Variants in TAFA2 observed in about 807,000 individuals in gnomAD.
TAFA2 encodes the protein TAFA chemokine like family member 2, also known as chemokine-like protein TAFA-2.
A neutral mutation model predicts 18.8 loss-of-function variants in TAFA2; 7 were observed. The observed-to-expected ratio is 0.37, with a 90% confidence interval of 0.21 to 0.70. The LOEUF is 0.70. TAFA2 is among the 30% of genes least tolerant of loss of function. The probability of loss-of-function intolerance (pLI) is 0.53; values close to 1 mark genes in which losing one functional copy is unlikely to be tolerated. For synonymous variants in TAFA2, 60 were observed against 54.2 expected (o/e 1.11, Z -0.47); for missense variants, 122 against 158.1 (o/e 0.77, Z 1.23).
chr12:62,066,109 T>C (rs1030770989), intron 1 of TAFA2, among the ~76,000 whole-genome samples: 6 of 146,592 alleles, frequency 4.1e-5, no homozygotes, highest in Non-Finnish European at 7.5e-5. Flanking sequence ...GATAACACTG[T>C]TTTTTGCTGA....
chr12:61,843,422 G>T (rs1050410468), intron 2 of TAFA2, among the ~76,000 whole-genome samples: 1 of 152,028 alleles, frequency 6.6e-6, no homozygotes. Flanking sequence ...GAAAAATTCG[G>T]AACACTATTT....
intron 2 of TAFA2, among the ~76,000 whole-genome samples, chr12:61,756,050 C>T (rs888559543): frequency 1.3e-5 from 2 of 151,716 alleles, no homozygotes; most frequent in African/African-American, 2.4e-5. Flanking sequence ...ATAAGGAGAC[C>T]CATTGCAAAT....
intron 2 of TAFA2, among the ~76,000 whole-genome samples, chr12:61,758,650 T>G (rs1592369781): frequency 6.6e-6 from 1 of 151,348 alleles, no homozygotes; most frequent in South Asian, 2.1e-4. Context: ...TAAGAAAGAG[T>G]GAATTTACCA....
At chr12:62,044,954 C>T (rs1881871116) in intron 1 of TAFA2, among the ~76,000 whole-genome samples, 1 of 152,108 alleles carries the variant, frequency 6.6e-6, no homozygotes, top group South Asian at 2.1e-4. Context: ...GTTCCTTGGG[C>T]CCTTGGAAAA....
intron 4 of TAFA2, among the ~76,000 whole-genome samples, chr12:61,711,217 G>A (rs1380065010): frequency 2.6e-5 from 4 of 151,638 alleles, no homozygotes; most frequent in African/African-American, 9.7e-5. Flanking sequence ...CGTATGCATA[G>A]ATACAGAGGA....
At chr12:61,852,087 A>C (rs1873694352) in intron 2 of TAFA2, among the ~76,000 whole-genome samples, 1 of 151,328 alleles carries the variant, frequency 6.6e-6, no homozygotes, top group Admixed American at 6.6e-5. Flanking sequence ...AGTGTCTGTA[A>C]TCCCAGCTAC....
At chr12:62,127,745 C>G (rs2136888977) in intron 1 of TAFA2, among the ~76,000 whole-genome samples, 1 of 152,004 alleles carries the variant, frequency 6.6e-6, no homozygotes, top group Middle Eastern at 3.4e-3. Context: ...GGTATGTTAC[C>G]TAGAGCAAGT....
chr12:62,107,294 T>C (rs1312037372), intron 1 of TAFA2, among the ~76,000 whole-genome samples: 2 of 149,408 alleles, frequency 1.3e-5, no homozygotes, highest in Non-Finnish European at 3.0e-5. Flanking sequence ...GGAAGAACTA[T>C]ATACATCATT....
At chr12:61,776,970 A>G (rs974002626) in intron 2 of TAFA2, among the ~76,000 whole-genome samples, 2 of 151,890 alleles carry the variant, frequency 1.3e-5, no homozygotes, top group African/African-American at 2.4e-5. Context: ...AACGTAAGAC[A>G]TAGTGTGAAA....
chr12:62,115,228 A>G (rs1031236572), intron 1 of TAFA2, among the ~76,000 whole-genome samples: 2 of 152,096 alleles, frequency 1.3e-5, no homozygotes, highest in Non-Finnish European at 2.9e-5. Context: ...AAACACCAAA[A>G]TTTGCACCCT....
chr12:62,116,815 C>A (rs1201021875), intron 1 of TAFA2, among the ~76,000 whole-genome samples: 2 of 151,988 alleles, frequency 1.3e-5, no homozygotes, highest in Non-Finnish European at 2.9e-5. Context: ...ATGCTGAAGC[C>A]CCAGCCCCTA....
intron 1 of TAFA2, among the ~76,000 whole-genome samples, chr12:61,923,897 C>A (rs1231179608): frequency 6.6e-6 from 1 of 151,632 alleles, no homozygotes; most frequent in South Asian, 2.1e-4. Context: ...CATAGATGAC[C>A]TGATGGAGCT....
intron 2 of TAFA2, among the ~76,000 whole-genome samples, chr12:61,804,466 G>A (rs1451362433): frequency 6.6e-6 from 1 of 152,024 alleles, no homozygotes; most frequent in Non-Finnish European, 1.5e-5. Context: ...CAAAATAAGA[G>A]TACTTCAACT....
intron 1 of TAFA2, among the ~76,000 whole-genome samples, chr12:62,065,259 C>G (rs1036734508): frequency 6.6e-6 from 1 of 152,016 alleles, no homozygotes; most frequent in Non-Finnish European, 1.5e-5. Context: ...GGTGATACAC[C>G]TCACTTCCAG....
Position 62,029,654 on chromosome 12 carries a change from G to C in TAFA2, c.-2+161605C>G, listed in dbSNP as rs1292878844. ...GGATTACTTGGATTATAAAGGCAAA[G>C]GAAAGTGCAATCACCCTGTACTTCT... On this transcript the variant is annotated intron_variant, in intron 1 of 4. Coordinates refer to ENST00000416284, the MANE Select transcript of TAFA2 (RefSeq NM_178539.5). Among the ~76,000 whole-genome samples, 3 of 125,368 alleles carry C rather than the reference G, an allele frequency of 2.4e-5. No homozygotes were observed. The East Asian group carries it at 7.1e-4, about 30-fold the overall frequency. 82.2% of individuals were successfully genotyped at this position (125,368 alleles called of 152,430 possible).
intron 1 of TAFA2, among the ~76,000 whole-genome samples, chr12:62,075,116 C>G (rs1448816065): frequency 1.3e-5 from 2 of 152,148 alleles, no homozygotes; most frequent in Non-Finnish European, 2.9e-5. Context: ...CAACATTCTT[C>G]TTCATTGTTA....
intron 1 of TAFA2, among the ~76,000 whole-genome samples, chr12:62,037,810 T>C: frequency 6.6e-6 from 1 of 152,170 alleles, no homozygotes. Flanking sequence ...ACATAAATTA[T>C]TTTACCGCCT....
intron 1 of TAFA2, among the ~76,000 whole-genome samples, chr12:61,936,522 C>T (rs1482568032): frequency 2.0e-5 from 3 of 152,032 alleles, no homozygotes; most frequent in Non-Finnish European, 4.4e-5. Context: ...GAGCTGAGAT[C>T]ATGCCACTGC....
intron 1 of TAFA2, among the ~76,000 whole-genome samples, chr12:61,997,662 T>G (rs1310919623): frequency 6.6e-6 from 1 of 151,934 alleles, no homozygotes; most frequent in Admixed American, 6.6e-5. Context: ...ACCAAGGAGA[T>G]CAGTGAGAAA....
Sources: allele counts gnomAD v4.1 joint callset (sites outside exome capture counted in the v4.1 genomes callset), GRCh38; gene constraint gnomAD v4.1.1; transcripts MANE v1.5; gene names NCBI Gene and HGNC (gene_info 2026-07-23, HGNC 2026-07-21).